DTNA: variants seen among roughly 807,000 people sequenced by gnomAD.
DTNA encodes the protein dystrophin-related protein 3.
DTNA carries 43 observed loss-of-function variants against 100.7 expected under a neutral mutation model. That is an observed-to-expected ratio of 0.43 (90% CI 0.33 to 0.55). The LOEUF (loss-of-function observed/expected upper bound fraction) is 0.55. Ranked by LOEUF, DTNA falls within the 20% of genes least tolerant of loss-of-function variation. The pLI is 0.04. For synonymous variants in DTNA, 349 were observed against 347.9 expected, an observed-to-expected ratio of 1.00 and a Z score of -0.04; for missense variants, 798 against 953.9, an observed-to-expected ratio of 0.84 and a Z score of 2.15.
intron 3 of DTNA, among the ~76,000 whole-genome samples, chr18:34,779,244 A>G (rs1316486510): frequency 6.6e-6 from 1 of 152,174 alleles, no homozygotes. Flanking sequence ...CACTGTTTAC[A>G]TCCTCCACAG....
At chr18:34,721,181 T>G (rs1376688868) in intron 1 of DTNA, among the ~76,000 whole-genome samples, 2 of 152,214 alleles carry the variant, frequency 1.3e-5, no homozygotes, top group South Asian at 4.1e-4. Context: ...GGTTTACTAA[T>G]GCATCCTGCT....
chr18:34,738,645 C>G (rs1334170561), intron 1 of DTNA, among the ~76,000 whole-genome samples: 1 of 152,112 alleles, frequency 6.6e-6, no homozygotes, highest in African/African-American at 2.4e-5. Context: ...ATCTGCCGTC[C>G]CGATGTGACA....
chr18:34,645,280 T>G (rs1218872308), intron 1 of DTNA, among the ~76,000 whole-genome samples: 1 of 152,126 alleles, frequency 6.6e-6, no homozygotes, highest in African/African-American at 2.4e-5. Flanking sequence ...ATCCTCAATA[T>G]TAAACACTTA....
At chr18:34,861,403 G>A (rs1401224605) in intron 16 of DTNA, among the ~76,000 whole-genome samples, 1 of 149,028 alleles carries the variant, frequency 6.7e-6, no homozygotes, top group Non-Finnish European at 1.5e-5. Flanking sequence ...GGAGAATGGC[G>A]TGAACCCGGG....
At chr18:34,648,237 A>G (rs900069086) in intron 1 of DTNA, among the ~76,000 whole-genome samples, 1 of 152,214 alleles carries the variant, frequency 6.6e-6, no homozygotes, top group Non-Finnish European at 1.5e-5. Flanking sequence ...GTATCAGGCA[A>G]GGTTTATAAC....
chr18:34,805,721 G>GA (rs1005221287), intron 4 of DTNA, among the ~76,000 whole-genome samples: 4 of 148,282 alleles, frequency 2.7e-5, no homozygotes, highest in Non-Finnish European at 5.9e-5. Context: ...AATGATGGTT[G>GA]AAAAAAATGT....
At chr18:34,683,970 G>T (rs1414006615) in intron 1 of DTNA, among the ~76,000 whole-genome samples, 1 of 152,068 alleles carries the variant, frequency 6.6e-6, no homozygotes, top group East Asian at 1.9e-4. Context: ...TTGGAAGTTG[G>T]GGTACACATA....
chr18:34,655,159 A>T (rs1443843467), intron 1 of DTNA, among the ~76,000 whole-genome samples: 2 of 152,220 alleles, frequency 1.3e-5, no homozygotes, highest in African/African-American at 2.4e-5. Flanking sequence ...ACCCCCGTTT[A>T]AGTAGACAGG....
intron 1 of DTNA, among the ~76,000 whole-genome samples, chr18:34,602,766 C>G (rs950940070): frequency 5.3e-5 from 8 of 151,510 alleles, no homozygotes; most frequent in South Asian, 2.1e-4. Flanking sequence ...AATCCCAGCA[C>G]TTTGGGAGGC....
chr18:34,824,019 T>G (rs988119492), intron 9 of DTNA, among the ~76,000 whole-genome samples: 2 of 152,198 alleles, frequency 1.3e-5, no homozygotes, highest in African/African-American at 4.8e-5. Context: ...CAAAGACATA[T>G]TCAGAAAAAA....
At chr18:34,857,037 A>C (rs1466660859) in intron 15 of DTNA, among the ~76,000 whole-genome samples, 1 of 152,212 alleles carries the variant, frequency 6.6e-6, no homozygotes, top group African/African-American at 2.4e-5. Context: ...CTGGGAGGGC[A>C]CAGCAGGGCC....
At chr18:34,579,694 T>C (rs574104583) in intron 1 of DTNA, among the ~76,000 whole-genome samples, 1 of 152,350 alleles carries the variant, frequency 6.6e-6, no homozygotes, top group African/African-American at 2.4e-5. Flanking sequence ...CTGGCTGCTT[T>C]TAAGATTTAC....
At chr18:34,527,484 T>A (rs1216062253) in intron 1 of DTNA, among the ~76,000 whole-genome samples, 1 of 152,080 alleles carries the variant, frequency 6.6e-6, no homozygotes, top group Non-Finnish European at 1.5e-5. Flanking sequence ...ATGTTTCATT[T>A]TATTTTTATT....
At chr18:34,550,696 G>A (rs1407846626) in intron 1 of DTNA, among the ~76,000 whole-genome samples, 1 of 152,048 alleles carries the variant, frequency 6.6e-6, no homozygotes, top group Admixed American at 6.6e-5. Flanking sequence ...AACATCAAGT[G>A]ATTTCAACTC....
chr18:34,782,350 T>C (rs2094357510), intron 3 of DTNA, among the ~76,000 whole-genome samples: 1 of 152,158 alleles, frequency 6.6e-6, no homozygotes, highest in Non-Finnish European at 1.5e-5. Flanking sequence ...AAAATATACA[T>C]GACCCTGAGC....
chr18:34,813,272 G>A (rs2149347326), intron 6 of DTNA, among the ~76,000 whole-genome samples: 1 of 152,030 alleles, frequency 6.6e-6, no homozygotes, highest in East Asian at 1.9e-4. Flanking sequence ...TTCAAAACCA[G>A]TGTGAGCAAC....
rs143428207 is a variant in DTNA at position 34,668,387 on chromosome 18, C to T, written c.-1-87589C>T. Among the ~76,000 whole-genome samples the T allele has an allele frequency of 5.2e-3, 798 of 152,218 alleles. 8 individuals carry two copies. The highest frequency in any genetic ancestry group is 0.018 in the African/African-American group (750 of 41,538). On this transcript the variant is annotated intron_variant, in intron 1 of 19. Transcript: ENST00000283365. Reference sequence around the variant, plus strand: ...TTTTCAAAAAACCAGATCCTGGATTCGTTGATTTTTTGAAGGGTTTTTTGT... The same window carrying T: ...TTTTCAAAAAACCAGATCCTGGATTTGTTGATTTTTTGAAGGGTTTTTTGT...
intron 17 of DTNA, among the ~76,000 whole-genome samples, chr18:34,865,854 TTTTATTGAG>T (rs1402924361): frequency 6.6e-6 from 1 of 152,200 alleles, no homozygotes; most frequent in Non-Finnish European, 1.5e-5. Flanking sequence ...GAGTACTGCC[TTTTATTGAG>T]ATGTACACAT....
chr18:34,838,743 A>G lies in DTNA; in HGVS notation c.1254-2A>G, dbSNP rs766149554. ...GCTTTCTTTCCCCCTGCCCTGTTTC[A>G]GGATACAGTACAGCCTGAATGTGGC... On this transcript the variant is annotated splice_acceptor_variant, in intron 12 of 22. Coordinates refer to ENST00000444659, the MANE Select transcript of DTNA (RefSeq NM_001386795.1). LOFTEE classifies it high-confidence loss of function. The G allele has an allele frequency of 3.1e-6, 5 of 1,613,102 alleles. No homozygotes were observed. The East Asian group carries it at 8.9e-5, about 29-fold the overall frequency.
Sources: allele counts gnomAD v4.1 joint callset (sites outside exome capture counted in the v4.1 genomes callset), GRCh38; gene constraint gnomAD v4.1.1; transcripts MANE v1.5; gene names NCBI Gene and HGNC (gene_info 2026-07-23, HGNC 2026-07-21).